Variants in GPC3 observed in about 807,000 individuals in gnomAD.
The protein encoded by GPC3 is glypican 3.
Under a neutral mutation model 34.4 loss-of-function variants are expected in GPC3, and 3 were observed. That is an observed-to-expected ratio of 0.09 (90% CI 0.04 to 0.23). GPC3 has a LOEUF of 0.23. Among genes scored for constraint, GPC3 ranks in the 10% least tolerant of loss-of-function variants. The pLI, the probability that GPC3 is intolerant of heterozygous loss-of-function variation, is 1.00. For synonymous variants in GPC3, 177 were observed against 174.0 expected (o/e 1.02, Z -0.13); for missense variants, 351 against 445.6 (o/e 0.79, Z 1.91).
intron 2 of GPC3, among the ~76,000 whole-genome samples, chrX:133,860,252 C>T (rs1396024186): frequency 9.0e-6 from 1 of 111,651 alleles, no homozygotes; most frequent in Non-Finnish European, 1.9e-5. Context: ...TCATAACAAC[C>T]CTGTTAAGTG....
intron 6 of GPC3, among the ~76,000 whole-genome samples, chrX:133,598,934 A>C (rs2069950756): frequency 8.9e-6 from 1 of 112,067 alleles, no homozygotes; most frequent in South Asian, 3.7e-4. Context: ...AGTTTTGGGA[A>C]GCTCTCAAGC....
chrX:133,725,637 T>TA (rs769555998), intron 3 of GPC3, among the ~76,000 whole-genome samples: 84 of 111,760 alleles, frequency 7.5e-4, no homozygotes, highest in African/African-American at 2.7e-3. Flanking sequence ...GCAAGTGTGA[T>TA]AAAAAATGAG....
At chrX:133,552,514 A>T (rs1327526945) in intron 7 of GPC3, among the ~76,000 whole-genome samples, 1 of 111,584 alleles carries the variant, frequency 9.0e-6, no homozygotes, top group East Asian at 2.8e-4. Context: ...CACATAATCT[A>T]TCCAGCTTAT....
At chrX:133,743,723 T>C (rs1196647044) in intron 3 of GPC3, among the ~76,000 whole-genome samples, 1 of 112,424 alleles carries the variant, frequency 8.9e-6, no homozygotes, top group Non-Finnish European at 1.9e-5. Context: ...TCTGATTCCC[T>C]AGCCACTCGA....
intron 7 of GPC3, among the ~76,000 whole-genome samples, chrX:133,553,383 C>A (rs1274744356): frequency 4.5e-5 from 5 of 111,849 alleles, no homozygotes; most frequent in East Asian, 2.8e-4. Flanking sequence ...TCAACAACAA[C>A]AACTAAAACA....
At chrX:133,900,008 G>A (rs183535389) in intron 2 of GPC3, among the ~76,000 whole-genome samples, 20 of 111,358 alleles carry the variant, frequency 1.8e-4, no homozygotes, top group Admixed American at 1.7e-3. Flanking sequence ...TCACCATGTT[G>A]GTCAGGTTGG....
At chrX:133,817,489 A>C (rs2075698022) in intron 2 of GPC3, among the ~76,000 whole-genome samples, 1 of 110,111 alleles carries the variant, frequency 9.1e-6, no homozygotes, top group African/African-American at 3.3e-5. Flanking sequence ...AAACAAAAAC[A>C]AAAACAAAAA....
intron 2 of GPC3, among the ~76,000 whole-genome samples, chrX:133,780,436 C>A (rs1260462729): frequency 3.6e-5 from 4 of 111,057 alleles, no homozygotes; most frequent in Non-Finnish European, 7.5e-5. Context: ...CCTAGCCATT[C>A]CTCATTTTAA....
chrX:133,774,364 C>T (rs1361889335), intron 2 of GPC3, among the ~76,000 whole-genome samples: 1 of 111,578 alleles, frequency 9.0e-6, no homozygotes, highest in Non-Finnish European at 1.9e-5. Context: ...CACTAGTGTA[C>T]CCATTTACAA....
chrX:133,859,080 CAAAA>C (rs561711766), intron 2 of GPC3, among the ~76,000 whole-genome samples: 1 of 40,747 alleles, frequency 2.5e-5, no homozygotes, highest in Non-Finnish European at 4.7e-5. Context: ...GACTCTGTCT[CAAAA>C]AAAAAAAAAA....
intron 3 of GPC3, among the ~76,000 whole-genome samples, chrX:133,726,296 T>A (rs2071406916): frequency 9.0e-6 from 1 of 111,654 alleles, no homozygotes; most frequent in Non-Finnish European, 1.9e-5. Flanking sequence ...AAAAGGCTGC[T>A]GGGTAGGGCT....
intron 2 of GPC3, among the ~76,000 whole-genome samples, chrX:133,902,032 G>A (rs1303715465): frequency 9.0e-6 from 1 of 111,603 alleles, no homozygotes; most frequent in South Asian, 3.8e-4. Flanking sequence ...CTTTACCCAG[G>A]GGTTGGGCCA....
At chrX:133,965,173 C>A (rs900097581) in intron 1 of GPC3, among the ~76,000 whole-genome samples, 4 of 109,139 alleles carry the variant, frequency 3.7e-5, no homozygotes, top group Admixed American at 9.7e-5. Flanking sequence ...TGGTGTCACC[C>A]CCCCCCACCC....
intron 5 of GPC3, among the ~76,000 whole-genome samples, chrX:133,672,467 G>A (rs376740655): frequency 9.0e-6 from 1 of 111,357 alleles, no homozygotes; most frequent in Non-Finnish European, 1.9e-5. Flanking sequence ...GAAAGAAAAA[G>A]GTGTAATTCA....
At chrX:133,630,471 T>G (rs1183392118) in intron 6 of GPC3, among the ~76,000 whole-genome samples, 1 of 112,130 alleles carries the variant, frequency 8.9e-6, no homozygotes, top group African/African-American at 3.2e-5. Flanking sequence ...ATCCAGAGTT[T>G]CCAGTACAGC....
intron 7 of GPC3, among the ~76,000 whole-genome samples, chrX:133,538,979 C>T (rs1049823555): frequency 3.8e-5 from 4 of 104,878 alleles, no homozygotes; most frequent in Non-Finnish European, 7.8e-5. Flanking sequence ...CCTCGGCCTC[C>T]CAAAATTCTG....
intron 6 of GPC3, among the ~76,000 whole-genome samples, chrX:133,602,347 C>T (rs773769300): frequency 9.0e-6 from 1 of 111,320 alleles, no homozygotes; most frequent in Non-Finnish European, 1.9e-5. Flanking sequence ...ATACCAGGGT[C>T]CCCATACTGC....
intron 1 of GPC3, among the ~76,000 whole-genome samples, chrX:133,970,581 GCTA>G (rs2076487159): frequency 9.1e-6 from 1 of 109,964 alleles, no homozygotes; most frequent in Non-Finnish European, 1.9e-5. Flanking sequence ...GTTACTTGGT[GCTA>G]CTATTTTGGT....
chrX:133,699,419 A>C (rs2071146030), intron 4 of GPC3, among the ~76,000 whole-genome samples: 1 of 111,879 alleles, frequency 8.9e-6, no homozygotes, highest in African/African-American at 3.3e-5. Context: ...TTGTCCCCTG[A>C]CTGTTGTTTT....
Sources: allele counts gnomAD v4.1 joint callset (sites outside exome capture counted in the v4.1 genomes callset), GRCh38; gene constraint gnomAD v4.1.1; transcripts MANE v1.5; gene names NCBI Gene and HGNC (gene_info 2026-07-23, HGNC 2026-07-21).